Variants in RNLS observed in about 807,000 individuals in gnomAD.
RNLS encodes the protein renalase, FAD dependent amine oxidase.
RNLS carries 39 observed loss-of-function variants against 39.8 expected under a neutral mutation model. The observed-to-expected ratio is 0.98, with a 90% CI of 0.76 to 1.28. The LOEUF (loss-of-function observed/expected upper bound fraction) is 1.28, where lower values mean the gene tolerates loss of function less well. RNLS is among the 50% of genes most tolerant of loss of function. RNLS has a pLI of 0.00. For missense variants in RNLS, 410 were observed against 413.3 expected (o/e 0.99, Z 0.07); for synonymous variants, 147 against 150.7 (o/e 0.98, Z 0.18).
At chr10:88,416,820 G>A (rs888844781) in intron 4 of RNLS, among the ~76,000 whole-genome samples, 1 of 152,164 alleles carries the variant, frequency 6.6e-6, no homozygotes, top group African/African-American at 2.4e-5. Context: ...TTATGGCAAT[G>A]CAGTTGCTGA....
intron 4 of RNLS, among the ~76,000 whole-genome samples, chr10:88,438,077 G>A (rs890362579): frequency 2.7e-5 from 4 of 146,708 alleles, no homozygotes; most frequent in Non-Finnish European, 4.4e-5. Flanking sequence ...GGTGAGCTGA[G>A]ATTGCACCAC....
chr10:88,543,508 G>C (rs1185353292), intron 4 of RNLS, among the ~76,000 whole-genome samples: 4 of 152,120 alleles, frequency 2.6e-5, no homozygotes, highest in Non-Finnish European at 5.9e-5. Context: ...CCAATGGGCT[G>C]TCTAGTTGTG....
At chr10:88,515,854 A>C in intron 4 of RNLS, among the ~76,000 whole-genome samples, 1 of 152,036 alleles carries the variant, frequency 6.6e-6, no homozygotes, top group Non-Finnish European at 1.5e-5. Context: ...TTGAAGCCCT[A>C]ACCCCTGGTG....
In RNLS at chr10:88,299,719, T is replaced by C. The variant is rs150168148; in HGVS notation, c.877-14213A>G. Among the ~76,000 whole-genome samples the C allele has an allele frequency of 1.2e-4, 19 of 152,358 alleles. No homozygotes were observed. In the East Asian group the frequency reaches 3.1e-3, roughly 25 times the overall value. On this transcript the variant is annotated intron_variant, in intron 6 of 6. Transcript: ENST00000331772. ...TAGAATTTAAGGTGTTATGTTCAGG[T>C]CTATGATCCATTTTTAGTTAATTTT...
chr10:88,236,801 A>G, the RNLS span, among the ~76,000 whole-genome samples: 2 of 152,226 alleles, frequency 1.3e-5, no homozygotes, highest in African/African-American at 4.8e-5. Flanking sequence ...TGCAGAGTCT[A>G]CTGCAAGGAG....
the RNLS span, among the ~76,000 whole-genome samples, chr10:88,263,741 T>C: frequency 6.6e-6 from 1 of 152,184 alleles, no homozygotes; most frequent in Non-Finnish European, 1.5e-5. Context: ...TAGGTTACTT[T>C]AGGCAGATGA....
Position 88,564,883 on chromosome 10 carries a change from T to C in RNLS, c.526+8020A>G, listed in dbSNP as rs189875431. On this transcript the variant is annotated intron_variant, in intron 4 of 6. Transcript: ENST00000331772. ...TCTGCTTCTTCCATAAGAAGCAAAA[T>C]AGAGAGAGTTGGATGACAGAAAATC... Among the ~76,000 whole-genome samples the C allele has an allele frequency of 2.3e-3, 351 of 152,148 alleles. 2 individuals are homozygous for C. The highest frequency in any genetic ancestry group is 3.2e-3 in the Non-Finnish European group (215 of 67,982).
the RNLS span, among the ~76,000 whole-genome samples, chr10:88,213,157 T>G: frequency 4.6e-5 from 7 of 152,168 alleles, no homozygotes; most frequent in Non-Finnish European, 8.8e-5. Flanking sequence ...AAAGTGATTT[T>G]TATGCTAACA....
intron 6 of RNLS, among the ~76,000 whole-genome samples, chr10:88,287,718 C>T (rs1221229984): frequency 6.6e-6 from 1 of 152,070 alleles, no homozygotes; most frequent in Non-Finnish European, 1.5e-5. Context: ...TACATGGCAG[C>T]AGGCAAGAGA....
chr10:88,357,296 A>C (rs1227729648), intron 5 of RNLS, among the ~76,000 whole-genome samples: 1 of 152,236 alleles, frequency 6.6e-6, no homozygotes, highest in Non-Finnish European at 1.5e-5. Flanking sequence ...GGTGGAACTG[A>C]GTTGAGTCTG....
At chr10:88,378,847 T>A (rs1830650274) in intron 4 of RNLS, among the ~76,000 whole-genome samples, 1 of 152,234 alleles carries the variant, frequency 6.6e-6, no homozygotes, top group Non-Finnish European at 1.5e-5. Flanking sequence ...TTGCCTTTTT[T>A]ATTAATCTGC....
rs150948843 is a variant in RNLS, at chr10:88,424,688, C to T, written c.527-61963G>A. Among the ~76,000 whole-genome samples, 445 of 152,184 alleles carry T rather than the reference C, an allele frequency of 2.9e-3. 2 individuals are homozygous for T. The highest frequency in any genetic ancestry group is 9.9e-3 in the African/African-American group (411 of 41,508). ...CGAGTAAAAGAAGCTGCTAATCTAG[C>T]CTCCATATAATGCTGACACATTACT... On this transcript the variant is annotated intron_variant, in intron 4 of 6. Coordinates refer to ENST00000331772, the MANE Select transcript of RNLS (RefSeq NM_001031709.3).
the RNLS span, among the ~76,000 whole-genome samples, chr10:88,267,463 C>T: frequency 1.1e-4 from 16 of 152,078 alleles, no homozygotes; most frequent in Admixed American, 1.0e-3. Context: ...ATAGTCCTTG[C>T]TACCCAGGAG....
At chr10:88,314,736 TAATC>T (rs1341973374) in intron 5 of RNLS, 95 bp from the exon 6 acceptor site, 6 of 1,033,524 alleles carry the variant, frequency 5.8e-6, no homozygotes, top group African/African-American at 1.6e-5. Context: ...CTGATCACAA[TAATC>T]AAGCAATAAA....
downstream of RNLS, among the ~76,000 whole-genome samples, chr10:88,282,284 A>T: frequency 6.6e-6 from 1 of 152,062 alleles, no homozygotes; most frequent in East Asian, 1.9e-4. Context: ...TTTAATTAGC[A>T]TGTTCATCTG....
At chr10:88,378,970 C>A (rs1454630252) in intron 4 of RNLS, among the ~76,000 whole-genome samples, 1 of 152,108 alleles carries the variant, frequency 6.6e-6, no homozygotes, top group Non-Finnish European at 1.5e-5. Flanking sequence ...CATTTACTAC[C>A]ACTATAAAGT....
At chr10:88,256,645 G>A in the RNLS span, among the ~76,000 whole-genome samples, 1 of 152,200 alleles carries the variant, frequency 6.6e-6, no homozygotes. Flanking sequence ...ATCTTGGGCA[G>A]AGTGTAGGGT....
chr10:88,242,946 AAAACAAACAAACAAAC>A, the RNLS span, among the ~76,000 whole-genome samples: 18 of 149,774 alleles, frequency 1.2e-4, 1 homozygote, highest in East Asian at 3.6e-3. Flanking sequence ...AAACTCTGTC[AAAACAAACAAACAAAC>A]AAACAAACAA....
intron 4 of RNLS, among the ~76,000 whole-genome samples, chr10:88,387,665 A>T: frequency 6.6e-6 from 1 of 152,188 alleles, no homozygotes; most frequent in Non-Finnish European, 1.5e-5. Context: ...GGGCTCCCAG[A>T]AGTTAAATGG....
Sources: allele counts gnomAD v4.1 joint callset (sites outside exome capture counted in the v4.1 genomes callset), GRCh38; gene constraint gnomAD v4.1.1; transcripts MANE v1.5; gene names NCBI Gene and HGNC (gene_info 2026-07-23, HGNC 2026-07-21).